Variants in PEBP4 observed in about 807,000 individuals in gnomAD.
The protein encoded by PEBP4 is phosphatidylethanolamine binding protein 4.
PEBP4 carries 22 observed loss-of-function variants against 23.9 expected under a neutral mutation model. The observed-to-expected ratio is 0.92, with a 90% confidence interval of 0.66 to 1.31. The LOEUF is 1.31. Among genes scored for constraint, PEBP4 ranks in the 40% most tolerant of loss-of-function variants. The probability of loss-of-function intolerance (pLI) is 0.00; values close to 1 mark genes in which losing one functional copy is unlikely to be tolerated. For synonymous variants in PEBP4, 112 were observed against 99.3 expected, an observed-to-expected ratio of 1.13 and a Z score of -0.76; for missense variants, 324 against 281.7, an observed-to-expected ratio of 1.15 and a Z score of -1.07.
rs371118048 is a variant in PEBP4, at chr8:22,920,212, G to T, written c.230C>A (p.Pro77Gln). The stretch of plus-strand genomic sequence containing the variant: ...CACGGCCCCCGGGAACTTGACTATC[G>T]GCTCCATCCAGGAGGTGATCTTCTG... ...YRQKITSWME[P>Q]IVKFPGAVDG... Residue 77 changes from proline (P) to glutamine (Q), a missense_variant, in exon 3 of 7, where the codon CCG becomes CAG. Transcript: ENST00000256404. 43 of 1,611,914 alleles carry T rather than the reference G, an allele frequency of 2.7e-5. No homozygotes were observed. The East Asian group carries it at 9.1e-4, about 34-fold the overall frequency.
intron 3 of PEBP4, among the ~76,000 whole-genome samples, chr8:22,825,306 G>A (rs763190059): frequency 6.6e-6 from 1 of 152,220 alleles, no homozygotes; most frequent in Non-Finnish European, 1.5e-5. Context: ...GTTCAGAGGA[G>A]ATGAGCACGT....
At chr8:22,818,264 C>A (rs1293414414) in intron 3 of PEBP4, among the ~76,000 whole-genome samples, 1 of 152,124 alleles carries the variant, frequency 6.6e-6, no homozygotes, top group Non-Finnish European at 1.5e-5. Flanking sequence ...GAGCACAAGA[C>A]AGTAAGGTCC....
At chr8:22,785,972 G>A (rs150938524) in intron 4 of PEBP4, among the ~76,000 whole-genome samples, 4 of 152,286 alleles carry the variant, frequency 2.6e-5, no homozygotes, top group South Asian at 4.1e-4. Flanking sequence ...CAGCTTTCTC[G>A]AACGTCAAGT....
intron 4 of PEBP4, among the ~76,000 whole-genome samples, chr8:22,793,763 ATTTTGATAGGTATCAT>A (rs1223995988): frequency 6.6e-6 from 1 of 152,158 alleles, no homozygotes; most frequent in Non-Finnish European, 1.5e-5. Flanking sequence ...GCCCTGCCTT[ATTTTGATAGGTATCAT>A]TCTTTATATA....
At position 22,922,912 on chromosome 8, in the gene PEBP4, C is replaced by T. The variant is rs186235957; in HGVS notation, c.132-2602G>A. Among the ~76,000 whole-genome samples the T allele has an allele frequency of 1.4e-4, 21 of 152,310 alleles. 1 individual carries two copies. In the East Asian group the frequency reaches 3.7e-3, roughly 27 times the overall value. On this transcript the variant is annotated intron_variant, in intron 2 of 6. Coordinates refer to ENST00000256404, the MANE Select transcript of PEBP4 (RefSeq NM_144962.3). ...GGAGTGAAAAGATCAGGGGCCCTGG[C>T]CCCAGCTTTGCCATGAACTAATGCT...
At chr8:22,805,881 A>AATGAATGG (rs1359495276) in intron 4 of PEBP4, among the ~76,000 whole-genome samples, 2 of 100,626 alleles carry the variant, frequency 2.0e-5, no homozygotes, top group African/African-American at 5.8e-5. Flanking sequence ...GCACATGCTG[A>AATGAATGG]ATGAATGAAT....
chr8:22,751,040 C>A (rs1805244640), intron 4 of PEBP4, among the ~76,000 whole-genome samples: 1 of 152,174 alleles, frequency 6.6e-6, no homozygotes. Context: ...GAACTTGACG[C>A]CCACGCAGCG....
chr8:22,815,923 A>G (rs1046912558), intron 4 of PEBP4, among the ~76,000 whole-genome samples: 1 of 152,036 alleles, frequency 6.6e-6, no homozygotes, highest in African/African-American at 2.4e-5. Flanking sequence ...AAGTCATCCC[A>G]CCCTAACTGC....
At chr8:22,727,530 C>G (rs1416308171) in intron 4 of PEBP4, among the ~76,000 whole-genome samples, 1 of 152,104 alleles carries the variant, frequency 6.6e-6, no homozygotes, top group African/African-American at 2.4e-5. Context: ...GGACACTTCC[C>G]AAAGAGCTGT....
At chr8:22,808,043 CCATCCATT>C (rs1224285965) in intron 4 of PEBP4, among the ~76,000 whole-genome samples, 1 of 152,140 alleles carries the variant, frequency 6.6e-6, no homozygotes, top group Admixed American at 6.5e-5. Context: ...ATCCATCCAT[CCATCCATT>C]CATCCATTCA....
At chr8:22,724,163 G>A (rs1004638508) in intron 6 of PEBP4, among the ~76,000 whole-genome samples, 9 of 152,306 alleles carry the variant, frequency 5.9e-5, no homozygotes, top group East Asian at 1.9e-4. Context: ...TGGGGGAGTC[G>A]GGGGCATGGC....
At chr8:22,806,103 T>C (rs1806489405) in intron 4 of PEBP4, among the ~76,000 whole-genome samples, 1 of 152,212 alleles carries the variant, frequency 6.6e-6, no homozygotes, top group Non-Finnish European at 1.5e-5. Flanking sequence ...TCTTTTCCCC[T>C]CATGAACCTC....
chr8:22,928,978 A>G (rs1235000348), upstream of PEBP4, among the ~76,000 whole-genome samples: 2 of 152,118 alleles, frequency 1.3e-5, no homozygotes, highest in Non-Finnish European at 2.9e-5. Flanking sequence ...TATTAAACAC[A>G]TTTCTCAATC....
intron 3 of PEBP4, among the ~76,000 whole-genome samples, chr8:22,878,870 G>C (rs1808184922): frequency 6.6e-6 from 1 of 152,192 alleles, no homozygotes; most frequent in Admixed American, 6.5e-5. Context: ...GACCCTGGAG[G>C]CTGGAAGAGG....
chr8:22,893,255 T>C (rs1808529570), intron 3 of PEBP4, among the ~76,000 whole-genome samples: 1 of 152,238 alleles, frequency 6.6e-6, no homozygotes, highest in Non-Finnish European at 1.5e-5. Flanking sequence ...GCTCTTGTCC[T>C]ATTTACCAAA....
intron 3 of PEBP4, among the ~76,000 whole-genome samples, chr8:22,896,629 G>C (rs993918293): frequency 6.6e-6 from 1 of 152,142 alleles, no homozygotes; most frequent in Non-Finnish European, 1.5e-5. Flanking sequence ...CTTTATTACT[G>C]TTCAAGCTAA....
At chr8:22,726,480 C>T (rs1162815683) in intron 5 of PEBP4, among the ~76,000 whole-genome samples, 1 of 152,230 alleles carries the variant, frequency 6.6e-6, no homozygotes, top group East Asian at 1.9e-4. Flanking sequence ...GAGACTAATG[C>T]CTCTCACTAG....
At chr8:22,764,749 G>A (rs1274968215) in intron 4 of PEBP4, among the ~76,000 whole-genome samples, 2 of 151,928 alleles carry the variant, frequency 1.3e-5, no homozygotes, top group African/African-American at 2.4e-5. Context: ...GGTGCAGAGT[G>A]GGGATCGGTC....
At chr8:22,740,214 T>C (rs999259484) in intron 4 of PEBP4, among the ~76,000 whole-genome samples, 4 of 152,172 alleles carry the variant, frequency 2.6e-5, no homozygotes, top group Non-Finnish European at 5.9e-5. Flanking sequence ...AGGTCAGGAA[T>C]TTCTAGCAAG....
Sources: gnomAD v4.1 joint callset for allele counts (sites outside exome capture counted in the v4.1 genomes callset) on GRCh38, gnomAD v4.1.1 for gene constraint, MANE v1.5 for transcripts, NCBI Gene and HGNC (gene_info 2026-07-23, HGNC 2026-07-21) for gene names.